CLMP: variants seen among roughly 807,000 people sequenced by gnomAD.
CLMP encodes the protein CXADR-like membrane protein.
A neutral mutation model predicts 45.2 loss-of-function variants in CLMP; 27 were observed. The ratio of observed to expected loss-of-function variants is 0.60; its 90% CI spans 0.44 to 0.82. The LOEUF is 0.82. CLMP is among the 40% of genes least tolerant of loss of function. The pLI is 0.00. For missense variants in CLMP, 403 were observed against 448.4 expected, an observed-to-expected ratio of 0.90 and a Z score of 0.91; for synonymous variants, 167 against 171.4, an observed-to-expected ratio of 0.97 and a Z score of 0.20.
At chr11:123,191,642 CAAGG>C (rs1216331533) in intron 1 of CLMP, 1 of 152,170 alleles carries the variant, frequency 6.6e-6, no homozygotes, top group African/African-American at 2.4e-5. Context: ...CATTAATAGA[CAAGG>C]AAGCTCAAAG....
At chr11:123,098,045 G>T (rs568423818) in intron 1 of CLMP, 93 bp from the exon 2 acceptor site, 1 of 1,094,836 alleles carries the variant, frequency 9.1e-7, no homozygotes, top group Non-Finnish European at 1.3e-6. Context: ...GGATGTTCCC[G>T]TGGGCAAGTG....
chr11:123,158,568 C>T (rs1288615051), intron 1 of CLMP, among the ~76,000 whole-genome samples: 1 of 152,168 alleles, frequency 6.6e-6, no homozygotes, highest in African/African-American at 2.4e-5. Context: ...TCGTTGTTTT[C>T]CCACACTTGT....
intron 1 of CLMP, among the ~76,000 whole-genome samples, chr11:123,106,420 TGTGTGC>T (rs373348417): frequency 0.071 from 7,562 of 106,294 alleles, 228 homozygotes; most frequent in Middle Eastern, 0.12. Flanking sequence ...TGTGTGTGTG[TGTGTGC>T]GCGCGCGCGC....
At chr11:123,160,896 T>C (rs750764161) in intron 1 of CLMP, among the ~76,000 whole-genome samples, 3 of 151,114 alleles carry the variant, frequency 2.0e-5, no homozygotes, top group Admixed American at 2.0e-4. Context: ...GAGAATTGCT[T>C]GAACCCAGGA....
At chr11:123,081,033 C>T (rs188689969) in intron 5 of CLMP, among the ~76,000 whole-genome samples, 142 of 152,008 alleles carry the variant, frequency 9.3e-4, no homozygotes, top group African/African-American at 3.3e-3. Flanking sequence ...GTAGTCCCAG[C>T]TACTCGCTAC....
At chr11:123,182,627 C>T (rs1269422899) in intron 1 of CLMP, among the ~76,000 whole-genome samples, 1 of 152,176 alleles carries the variant, frequency 6.6e-6, no homozygotes, top group Non-Finnish European at 1.5e-5. Context: ...ATTTCCCTTT[C>T]TGAATCCTCA....
At chr11:123,185,767 T>C (rs1441406185) in intron 1 of CLMP, among the ~76,000 whole-genome samples, 1 of 152,150 alleles carries the variant, frequency 6.6e-6, no homozygotes, top group Non-Finnish European at 1.5e-5. Flanking sequence ...TAGCCCTCTT[T>C]AATGAGGAGA....
rs138055251 is a variant in CLMP at position 123,164,451 on chromosome 11, G to A, written c.28+30462C>T. 7.7e-3 allele frequency among the ~76,000 whole-genome samples: 1,167 copies of A among 152,160 alleles called. 18 individuals are homozygous for A. The highest frequency in any genetic ancestry group is 0.027 in the African/African-American group (1,128 of 41,514). On this transcript the variant is annotated intron_variant, in intron 1 of 6. Transcript: ENST00000448775. ...CCCCAGTAGCTGGGATTACAGGCAC[G>A]TGCCACCACGCCTAGCTAGTTTTTG...
At chr11:123,163,879 G>A (rs899232872) in intron 1 of CLMP, among the ~76,000 whole-genome samples, 4 of 152,120 alleles carry the variant, frequency 2.6e-5, no homozygotes, top group Admixed American at 6.5e-5. Context: ...CTTAAATTTC[G>A]AATCTTTACT....
intron 1 of CLMP, among the ~76,000 whole-genome samples, chr11:123,101,361 C>A (rs543316624): frequency 1.3e-5 from 2 of 152,230 alleles, no homozygotes; most frequent in Non-Finnish European, 2.9e-5. Context: ...CCTGCCTCGG[C>A]CTCCCAAAGT....
chr11:123,190,021 A>C (rs1861887521), intron 1 of CLMP, among the ~76,000 whole-genome samples: 1 of 149,682 alleles, frequency 6.7e-6, no homozygotes, highest in Non-Finnish European at 1.5e-5. Flanking sequence ...AAAAAAAAAA[A>C]AACAAAGCTC....
In CLMP at chr11:123,150,465, AAGAAAGAAAG is replaced by A. The variant is rs1312525301; in HGVS notation, c.28+44438_28+44447del. On this transcript the variant is annotated intron_variant, in intron 1 of 6. Transcript: ENST00000448775. ...AAAGAAAGAAAGAAAGAAAGAAAGA[AAGAAAGAAAG>A]AAAGAAAGGAAGGAAGGAAGGAAGG... 2.7e-4 allele frequency among the ~76,000 whole-genome samples: 29 copies of A among 105,660 alleles called. 1 individual carries two copies. Among genetic ancestry groups the A allele is most frequent in the Non-Finnish European group, 5.2e-4 (25 of 47,780 alleles). The allele number at this position is 105,660 out of a possible 152,430, so 69.3% of individuals were successfully genotyped here.
intron 1 of CLMP, among the ~76,000 whole-genome samples, chr11:123,155,601 AG>A (rs1245105152): frequency 2.6e-5 from 4 of 152,230 alleles, no homozygotes; most frequent in Admixed American, 2.6e-4. Context: ...TTTTAGTTCC[AG>A]GTCTACTGGT....
chr11:123,168,769 C>T (rs1010898176), intron 1 of CLMP, among the ~76,000 whole-genome samples: 9 of 152,218 alleles, frequency 5.9e-5, no homozygotes, highest in African/African-American at 2.2e-4. Context: ...TAAGTGTATA[C>T]TTTCTGCTGT....
intron 1 of CLMP, among the ~76,000 whole-genome samples, chr11:123,176,504 G>T (rs1427253831): frequency 2.0e-5 from 3 of 152,202 alleles, no homozygotes; most frequent in African/African-American, 7.2e-5. Flanking sequence ...TACTCCACAG[G>T]CTTCCTTTGA....
In CLMP at chr11:123,084,563, C is replaced by T. The variant is rs1443251173; in HGVS notation, c.337G>A (p.Val113Ile). 6.2e-7 allele frequency: 1 copy of T among 1,614,182 alleles called. No homozygotes were observed. Residue 113 changes from valine (V) to isoleucine (I), a missense_variant, in exon 3 of 7, where the codon GTT (valine) becomes ATT (isoleucine). Val to Ile is a conservative substitution (Grantham distance 29). Transcript: ENST00000448775. ...PSDEGRYTCK[V>I]KNSGRYVWSH... ...CACACGTAGCGCCCTGAATTCTTAA[C>T]CTTACAGGTGTACCGGCCCTCATCA...
At chr11:123,081,680 G>C (rs1314206570) in intron 5 of CLMP, among the ~76,000 whole-genome samples, 1 of 152,044 alleles carries the variant, frequency 6.6e-6, no homozygotes. Context: ...AGACCAGCCT[G>C]GCCAATGTGG....
intron 1 of CLMP, among the ~76,000 whole-genome samples, chr11:123,142,968 GC>G (rs1178695420): frequency 1.3e-5 from 2 of 152,140 alleles, no homozygotes; most frequent in African/African-American, 4.8e-5. Context: ...CTAGACATGA[GC>G]CCATGATTTC....
chr11:123,109,280 C>T (rs1440253128), intron 1 of CLMP, among the ~76,000 whole-genome samples: 2 of 152,132 alleles, frequency 1.3e-5, no homozygotes, highest in Non-Finnish European at 2.9e-5. Context: ...ATCGTTGACA[C>T]CTGATATTAA....
Sources: allele counts gnomAD v4.1 joint callset (sites outside exome capture counted in the v4.1 genomes callset), GRCh38; gene constraint gnomAD v4.1.1; transcripts MANE v1.5; gene names NCBI Gene and HGNC (gene_info 2026-07-23, HGNC 2026-07-21).